The following STAG1 variants were observed in gnomAD, a reference collection of about 807,000 sequenced individuals.
STAG1 encodes the protein cohesin subunit SA-1.
In STAG1, 26 loss-of-function variants were observed where a neutral mutation model predicts 170.9. The observed-to-expected ratio is 0.15, with a 90% CI of 0.11 to 0.21. The LOEUF (loss-of-function observed/expected upper bound fraction) is 0.21. STAG1 is among the 10% of genes least tolerant of loss of function. STAG1 has a pLI of 1.00. For missense variants in STAG1, 964 were observed against 1,509.5 expected, an observed-to-expected ratio of 0.64 and a Z score of 5.99; for synonymous variants, 514 against 497.7, an observed-to-expected ratio of 1.03 and a Z score of -0.44.
chr3:136,750,612 G>C (rs1304088951), intron 1 of STAG1, among the ~76,000 whole-genome samples: 1 of 152,178 alleles, frequency 6.6e-6, no homozygotes, highest in African/African-American at 2.4e-5. Context: ...AAAGCAGTTC[G>C]TTTGTGAAAA....
chr3:136,452,073 T>C lies in STAG1; in HGVS notation c.1388A>G (p.Asn463Ser). ...KRRGRNSPNG[N>S]LIRMLVLFFL... ...GAAAAGAACCAGCATCCTAATGAGG[T>C]TTCCATTCGGGCTGTTTCTTCCCCT... is the stretch of plus-strand genomic sequence containing the variant. The change falls in exon 14 of 34, where the codon AAC (asparagine) becomes AGC (serine). Residue 463 changes from asparagine to serine, a missense_variant. By Grantham distance (46) the Asn-to-Ser change is conservative (BLOSUM62 1). Transcript: ENST00000383202. 6.2e-7 allele frequency: 1 copy of C among 1,613,538 alleles called. No individual in the cohort carries two copies. The highest frequency in any genetic ancestry group is 2.2e-5 in the East Asian group (1 of 44,794).
intron 1 of STAG1, among the ~76,000 whole-genome samples, chr3:136,666,749 G>C (rs1941794416): frequency 6.6e-6 from 1 of 151,946 alleles, no homozygotes; most frequent in South Asian, 2.1e-4. Context: ...GAACCCTGGA[G>C]GTGGAGGTTG....
chr3:136,381,037 G>GAAAAAAAAA (rs58810961), intron 22 of STAG1, among the ~76,000 whole-genome samples: 12 of 104,972 alleles, frequency 1.1e-4, no homozygotes, highest in African/African-American at 2.1e-4. Flanking sequence ...AAAAAAAAAA[G>GAAAAAAAAA]AAAAAAAAAA....
intron 9 of STAG1, among the ~76,000 whole-genome samples, chr3:136,488,084 C>T (rs2090052319): frequency 6.6e-6 from 1 of 152,220 alleles, no homozygotes; most frequent in South Asian, 2.1e-4. Flanking sequence ...AGCTGGGCTA[C>T]TCCCAAATTC....
chr3:136,419,306 G>A (rs1226405265), intron 20 of STAG1, among the ~76,000 whole-genome samples: 1 of 152,200 alleles, frequency 6.6e-6, no homozygotes, highest in Non-Finnish European at 1.5e-5. Context: ...GAATTTTGAA[G>A]TACTGATTAG....
chr3:136,722,961 C>T (rs1339699036), intron 1 of STAG1, among the ~76,000 whole-genome samples: 9 of 152,330 alleles, frequency 5.9e-5, no homozygotes, highest in East Asian at 1.9e-4. Flanking sequence ...CCCGAGGTGC[C>T]GGGATTGCAG....
chr3:136,689,196 T>C (rs1027594409), intron 1 of STAG1, among the ~76,000 whole-genome samples: 4 of 152,200 alleles, frequency 2.6e-5, no homozygotes, highest in South Asian at 4.1e-4. Flanking sequence ...TTCCACCTGA[T>C]AAGAAAACAT....
chr3:136,500,418 G>C (rs1489869570), intron 8 of STAG1, 122 bp from the exon 9 acceptor site: 9 of 636,066 alleles, frequency 1.4e-5, no homozygotes, highest in Non-Finnish European at 2.5e-5. Flanking sequence ...TTTCTCACTT[G>C]TAGTACAGAT....
chr3:136,731,717 AT>A (rs1317525198), intron 1 of STAG1, among the ~76,000 whole-genome samples: 2 of 152,250 alleles, frequency 1.3e-5, no homozygotes, highest in Non-Finnish European at 2.9e-5. Flanking sequence ...TGTTCAACAA[AT>A]GCTTGATGAA....
intron 4 of STAG1, among the ~76,000 whole-genome samples, chr3:136,581,318 TCCAGAATTTTCTTGCCA>T (rs1159240188): frequency 2.6e-5 from 4 of 152,362 alleles, no homozygotes; most frequent in Admixed American, 2.0e-4. Flanking sequence ...ACTCTTCATT[TCCAGAATTTTCTTGCCA>T]CTTACATGTA....
rs543474583 is a variant in STAG1 at position 136,433,047 on chromosome 3, A to G, written c.1650+509T>C. Reference sequence around the variant, plus strand: ...GTTTTTGACAATACATTCCAGTTTTATACTTGCTTTTTGCAGAAAGATCTG... The same window carrying G: ...GTTTTTGACAATACATTCCAGTTTTGTACTTGCTTTTTGCAGAAAGATCTG... On this transcript the variant is annotated intron_variant, in intron 16 of 33. Coordinates refer to ENST00000383202, the MANE Select transcript of STAG1 (RefSeq NM_005862.3). Among the ~76,000 whole-genome samples the G allele has an allele frequency of 1.3e-4, 19 of 151,944 alleles. No individual in the cohort carries two copies. In the South Asian group the frequency reaches 2.9e-3, roughly 23 times the overall value.
chr3:136,593,948 G>A (rs912847771), intron 4 of STAG1, among the ~76,000 whole-genome samples: 1 of 152,084 alleles, frequency 6.6e-6, no homozygotes, highest in Non-Finnish European at 1.5e-5. Flanking sequence ...AATAGTATAT[G>A]TGTCCTCTCA....
intron 1 of STAG1, among the ~76,000 whole-genome samples, chr3:136,652,729 C>T (rs1045088958): frequency 2.0e-5 from 3 of 152,150 alleles, no homozygotes; most frequent in South Asian, 2.1e-4. Context: ...CATCTCCCTC[C>T]GATAGCAATA....
At chr3:136,658,065 G>GT (rs1305955959) in intron 1 of STAG1, among the ~76,000 whole-genome samples, 2 of 152,030 alleles carry the variant, frequency 1.3e-5, no homozygotes, top group African/African-American at 4.8e-5. Context: ...GCTCACACCT[G>GT]TAATCCCAAC....
intron 26 of STAG1, among the ~76,000 whole-genome samples, chr3:136,361,695 G>T (rs1711161): frequency 0.74 from 111,814 of 152,014 alleles, 41,186 homozygotes; most frequent in East Asian, 0.84. Flanking sequence ...ACTGCAGCTT[G>T]GACCTCCCAG....
intron 13 of STAG1, among the ~76,000 whole-genome samples, chr3:136,463,735 A>ATGTGTGTGCGTG (rs1553725773): frequency 4.0e-5 from 4 of 101,204 alleles, no homozygotes; most frequent in Non-Finnish European, 7.7e-5. Flanking sequence ...AAATGTGTAT[A>ATGTGTGTGCGTG]TGTGTGTGTG....
chr3:136,396,276 C>A (rs1225260978), intron 22 of STAG1, among the ~76,000 whole-genome samples: 1 of 148,086 alleles, frequency 6.8e-6, no homozygotes, highest in Non-Finnish European at 1.5e-5. Flanking sequence ...GGTGCAGCCA[C>A]GCGATCTCTC....
chr3:136,463,914 ATATAT>A (rs911444266), intron 13 of STAG1, among the ~76,000 whole-genome samples: 1 of 146,240 alleles, frequency 6.8e-6, no homozygotes, highest in Non-Finnish European at 1.5e-5. Flanking sequence ...CTTACATATA[ATATAT>A]ATTTTAAAAT....
intron 7 of STAG1, among the ~76,000 whole-genome samples, chr3:136,512,106 A>T (rs560559605): frequency 9.3e-5 from 14 of 150,370 alleles, no homozygotes; most frequent in Non-Finnish European, 1.9e-4. Flanking sequence ...TAAAAAAAAA[A>T]AAAAAAAAAA....
Sources: gnomAD v4.1 joint callset for allele counts (sites outside exome capture counted in the v4.1 genomes callset) on GRCh38, gnomAD v4.1.1 for gene constraint, MANE v1.5 for transcripts, NCBI Gene and HGNC (gene_info 2026-07-23, HGNC 2026-07-21) for gene names.